Variants in SH3D19 observed in about 807,000 individuals in gnomAD.
The protein encoded by SH3D19 is SH3 domain containing 19.
Under a neutral mutation model 112.1 loss-of-function variants are expected in SH3D19, and 58 were observed. The ratio of observed to expected loss-of-function variants is 0.52; its 90% confidence interval spans 0.42 to 0.64. The LOEUF is 0.64. Ranked by LOEUF, SH3D19 falls within the 30% of genes least tolerant of loss-of-function variation. The probability of loss-of-function intolerance (pLI) is 0.00; values close to 1 mark genes in which losing one functional copy is unlikely to be tolerated. For missense variants in SH3D19, 1,090 were observed against 1,263.4 expected (o/e 0.86, Z 2.08); for synonymous variants, 391 against 448.5 (o/e 0.87, Z 1.62).
At chr4:151,291,222 C>T (rs1030930665) in intron 1 of SH3D19, 8 of 1,613,648 alleles carry the variant, frequency 5.0e-6, no homozygotes, top group African/African-American at 1.3e-5. Flanking sequence ...CTGGAGTCTA[C>T]ACCAATGTAA....
intron 1 of SH3D19, among the ~76,000 whole-genome samples, chr4:151,316,054 G>C (rs780988917): frequency 6.6e-6 from 1 of 152,138 alleles, no homozygotes; most frequent in African/African-American, 2.4e-5. Flanking sequence ...CTTTCAAGCA[G>C]AGAAACTTCA....
chr4:151,311,648 G>A (rs1328941437), intron 1 of SH3D19, among the ~76,000 whole-genome samples: 1 of 152,122 alleles, frequency 6.6e-6, no homozygotes, highest in African/African-American at 2.4e-5. Flanking sequence ...AGGCCAGCCT[G>A]GGCAAAAGAG....
At chr4:151,260,988 C>CA (rs1013450053) in intron 1 of SH3D19, 3 of 152,140 alleles carry the variant, frequency 2.0e-5, no homozygotes, top group African/African-American at 7.2e-5. Context: ...ACATTTATCA[C>CA]AATTTTAAAT....
chr4:151,176,479 G>A (rs950433166), intron 6 of SH3D19, 55 bp downstream of exon 6: 16 of 1,217,308 alleles, frequency 1.3e-5, no homozygotes, highest in East Asian at 3.2e-5. Flanking sequence ...GGAAGCCTAC[G>A]GATTACTTCC....
At position 151,159,323 on chromosome 4, in the gene SH3D19, G is replaced by A; in HGVS notation, c.1672C>T (p.Pro558Ser). The change falls in exon 9 of 20, where the codon CCT (proline) becomes TCT (serine). Residue 558 changes from proline to serine, a missense_variant. Pro to Ser is a moderately conservative substitution (Grantham distance 74). Coordinates refer to ENST00000604030, the MANE Select transcript of SH3D19 (RefSeq NM_001378122.1). ...CLHEDPQSPP[P>S]LPAEKPIGNT... Reference sequence around the variant, plus strand: ...CCAATAGGTTTTTCAGCAGGGAGAGGAGGTGGACTTTGTGGATCCTCATGT... The same window carrying A: ...CCAATAGGTTTTTCAGCAGGGAGAGAAGGTGGACTTTGTGGATCCTCATGT... 1 of 1,584,534 alleles carries A rather than the reference G, an allele frequency of 6.3e-7. No homozygotes were observed. Among genetic ancestry groups the A allele is most frequent in the Non-Finnish European group, 8.5e-7 (1 of 1,169,702 alleles).
chr4:151,198,766 C>A (rs1003760734), intron 2 of SH3D19, among the ~76,000 whole-genome samples: 17 of 152,142 alleles, frequency 1.1e-4, no homozygotes, highest in African/African-American at 3.6e-4. Flanking sequence ...ACATTTTAAA[C>A]ACTCATTTAA....
intron 2 of SH3D19, among the ~76,000 whole-genome samples, chr4:151,196,296 G>A (rs560986482): frequency 2.7e-4 from 41 of 152,288 alleles, no homozygotes; most frequent in South Asian, 8.3e-4. Context: ...GTGGTGGTGC[G>A]TGCCTGCCTG....
At chr4:151,250,051 T>A (rs1338323866) in intron 1 of SH3D19, among the ~76,000 whole-genome samples, 1 of 152,196 alleles carries the variant, frequency 6.6e-6, no homozygotes, top group African/African-American at 2.4e-5. Flanking sequence ...ATGTTCTCCA[T>A]CACTGTGAAT....
intron 2 of SH3D19, among the ~76,000 whole-genome samples, chr4:151,225,330 A>G (rs532732598): frequency 6.6e-6 from 1 of 152,354 alleles, no homozygotes; most frequent in East Asian, 1.9e-4. Flanking sequence ...CTGGGTTACA[A>G]ATATTAAATA....
At chr4:151,125,845 C>CAAAAAAAAAAAA (rs66688611) in intron 19 of SH3D19, among the ~76,000 whole-genome samples, 44 of 94,214 alleles carry the variant, frequency 4.7e-4, no homozygotes, top group South Asian at 9.7e-4. Context: ...ATCTCAAAAA[C>CAAAAAAAAAAAA]AAAAAAAAAA....
At chr4:151,205,727 A>T (rs566652984) in intron 2 of SH3D19, among the ~76,000 whole-genome samples, 1 of 152,314 alleles carries the variant, frequency 6.6e-6, no homozygotes, top group African/African-American at 2.4e-5. Context: ...TCCAATAATA[A>T]TAAAGAAATA....
chr4:151,298,959 A>C (rs1357232604), intron 1 of SH3D19, among the ~76,000 whole-genome samples: 2 of 152,188 alleles, frequency 1.3e-5, no homozygotes, highest in South Asian at 2.1e-4. Context: ...AAAAGTTCAA[A>C]TCCCCCACAT....
intron 1 of SH3D19, among the ~76,000 whole-genome samples, chr4:151,311,692 GA>G (rs1192834213): frequency 6.6e-6 from 1 of 151,954 alleles, no homozygotes; most frequent in Non-Finnish European, 1.5e-5. Context: ...TTTTTTAAAA[GA>G]AAAAATTAGC....
At chr4:151,138,760 A>C (rs982087843) in intron 13 of SH3D19, among the ~76,000 whole-genome samples, 4 of 151,990 alleles carry the variant, frequency 2.6e-5, no homozygotes, top group African/African-American at 9.7e-5. Flanking sequence ...ATAGGTAAGT[A>C]AGCAGCTGAG....
In SH3D19 at chr4:151,176,886, G is replaced by C; in HGVS notation, c.306C>G (p.Pro102=). 8.1e-7 allele frequency: 1 copy of C among 1,232,196 alleles called. No individual in the cohort carries two copies. The highest frequency in any genetic ancestry group is 1.0e-6 in the Non-Finnish European group (1 of 987,964). The allele number at this position is 1,232,196 out of a possible 1,614,324, so 76.3% of individuals were successfully genotyped here. A position where few individuals can be genotyped will look rare whatever the true frequency, so the allele number is the denominator to read the frequency against. Residue 102 remains proline (P), a synonymous_variant, in exon 5 of 20, where the codon CCC becomes CCG. Coordinates refer to ENST00000604030, the MANE Select transcript of SH3D19 (RefSeq NM_001378122.1). ...ATGATGTAGGAAATCCCAGTCCTGGGGGTGGGGTTCCTGGAAACCACGAGG... is the reference window on the plus strand; with the variant it reads ...ATGATGTAGGAAATCCCAGTCCTGGCGGTGGGGTTCCTGGAAACCACGAGG... ...RPASWFPGTP[P]PGLGFPTSSA...
At chr4:151,235,883 C>G (rs936303753) in intron 1 of SH3D19, among the ~76,000 whole-genome samples, 2 of 152,196 alleles carry the variant, frequency 1.3e-5, no homozygotes, top group African/African-American at 4.8e-5. Flanking sequence ...CATCCACTCT[C>G]CCAGGAAACC....
chr4:151,130,775 G>A (rs1750497878), intron 17 of SH3D19, among the ~76,000 whole-genome samples: 1 of 151,958 alleles, frequency 6.6e-6, no homozygotes, highest in African/African-American at 2.4e-5. Context: ...CCCCGTTTCT[G>A]CTAAAACTAC....
At position 151,280,799 on chromosome 4, in the gene SH3D19, A is replaced by C. The variant is rs1774149492; in HGVS notation, c.112+44442T>G. Among the ~76,000 whole-genome samples the C allele has an allele frequency of 3.9e-5, 6 of 152,256 alleles. No individual in the cohort carries two copies. In the South Asian group the frequency reaches 1.2e-3, roughly 32 times the overall value. Reference sequence around the variant, plus strand: ...AGTGAGACCCTGTCTCTAAAAAAAAAATTAAGTTTAAAAAAAAACTCAAAG... The same window carrying C: ...AGTGAGACCCTGTCTCTAAAAAAAACATTAAGTTTAAAAAAAAACTCAAAG... On this transcript the variant is annotated intron_variant, in intron 1 of 19. Transcript: ENST00000604030.
chr4:151,225,913 T>C (rs2149948387), intron 2 of SH3D19, 134 bp downstream of exon 2: 1 of 509,136 alleles, frequency 2.0e-6, no homozygotes, highest in Middle Eastern at 5.6e-4. Flanking sequence ...AAGATTTCCC[T>C]TATGAAGCTT....
Sources: gnomAD v4.1 joint callset for allele counts (sites outside exome capture counted in the v4.1 genomes callset) on GRCh38, gnomAD v4.1.1 for gene constraint, MANE v1.5 for transcripts, NCBI Gene and HGNC (gene_info 2026-07-23, HGNC 2026-07-21) for gene names.